The following DHRSX variants were observed in gnomAD, a reference collection of about 807,000 sequenced individuals.
The protein encoded by DHRSX is dehydrogenase/reductase X-linked.
In DHRSX, 31 loss-of-function variants were observed where a neutral mutation model predicts 34.0. That is an observed-to-expected ratio of 0.91 (90% CI 0.69 to 1.23). DHRSX has a LOEUF of 1.23. DHRSX is among the 50% of genes most tolerant of loss of function. DHRSX has a pLI of 0.00. For missense variants in DHRSX, 414 were observed against 428.1 expected (o/e 0.97, Z 0.29); for synonymous variants, 201 against 183.8 (o/e 1.09, Z -0.76).
chrX:2,440,492 G>A (rs1334844149), intron 1 of DHRSX, among the ~76,000 whole-genome samples: 3 of 151,168 alleles, frequency 2.0e-5, no homozygotes, highest in Middle Eastern at 3.6e-3. Flanking sequence ...AGAAGATGCC[G>A]CATCCAGCTC....
chrX:2,427,962 G>A (rs747006773), intron 1 of DHRSX, among the ~76,000 whole-genome samples: 4 of 152,104 alleles, frequency 2.6e-5, no homozygotes, highest in Admixed American at 2.0e-4. Context: ...GCAGCAACAC[G>A]AAGGGAACTG....
rs750183839 is a variant in DHRSX, at chrX:2,489,154, C to T, written c.109+11663G>A. On this transcript the variant is annotated intron_variant, in intron 1 of 6. Coordinates refer to ENST00000334651, the MANE Select transcript of DHRSX (RefSeq NM_145177.3). ...TCTTGACGGGAGGCTCCTCGGGCAC[C>T]GGGAAGATCTTGTCCTCAGCCGGCC... 1.1e-5 allele frequency: 17 copies of T among 1,613,604 alleles called. No homozygotes were observed. The East Asian group carries it at 2.0e-4, about 19-fold the overall frequency.
chrX:2,361,765 T>C (rs1471074903), intron 3 of DHRSX, among the ~76,000 whole-genome samples: 2 of 152,216 alleles, frequency 1.3e-5, no homozygotes, highest in East Asian at 1.9e-4. Flanking sequence ...AAAAAGAAGA[T>C]GTCTGGATAA....
chrX:2,362,388 C>T (rs978107056), intron 3 of DHRSX, among the ~76,000 whole-genome samples: 23 of 152,158 alleles, frequency 1.5e-4, no homozygotes, highest in African/African-American at 5.3e-4. Context: ...GCAACCTCCG[C>T]CTCCCGGGTT....
chrX:2,328,714 TAA>T (rs1157083908), intron 3 of DHRSX, among the ~76,000 whole-genome samples: 1 of 152,116 alleles, frequency 6.6e-6, no homozygotes, highest in Non-Finnish European at 1.5e-5. Context: ...TGTGGGAAAA[TAA>T]AAGTCTGCTG....
intron 3 of DHRSX, among the ~76,000 whole-genome samples, chrX:2,327,708 T>C (rs1416725750): frequency 6.6e-6 from 1 of 152,098 alleles, no homozygotes. Context: ...TATTTGGAGA[T>C]AGTCTTTAAA....
chrX:2,265,774 G>A (rs1357579290), intron 5 of DHRSX, among the ~76,000 whole-genome samples: 8 of 138,652 alleles, frequency 5.8e-5, no homozygotes, highest in African/African-American at 1.4e-4. Context: ...CAGACGCAGG[G>A]AGCACTGTCC....
At chrX:2,275,032 C>G (rs1324512023) in intron 4 of DHRSX, among the ~76,000 whole-genome samples, 2 of 151,910 alleles carry the variant, frequency 1.3e-5, no homozygotes, top group Non-Finnish European at 2.9e-5. Flanking sequence ...GACGGAAGTC[C>G]GAAATGCAGA....
intron 1 of DHRSX, among the ~76,000 whole-genome samples, chrX:2,427,864 C>G (rs1318318033): frequency 6.6e-6 from 1 of 152,110 alleles, no homozygotes; most frequent in Non-Finnish European, 1.5e-5. Context: ...TAAGTGTCCA[C>G]CATCAGACAA....
chrX:2,321,583 CCT>C (rs370557844), intron 3 of DHRSX, among the ~76,000 whole-genome samples: 2,047 of 152,018 alleles, frequency 0.013, 47 homozygotes, highest in African/African-American at 0.047. Flanking sequence ...GCTCCACCCC[CCT>C]CTCTCTCTGC....
intron 1 of DHRSX, among the ~76,000 whole-genome samples, chrX:2,475,896 G>A (rs1021187510): frequency 2.0e-5 from 3 of 152,182 alleles, no homozygotes; most frequent in African/African-American, 7.2e-5. Flanking sequence ...ATGGGGTGGT[G>A]TAACTGCAGT....
chrX:2,355,946 G>C (rs1244732219), intron 3 of DHRSX, among the ~76,000 whole-genome samples: 2 of 151,260 alleles, frequency 1.3e-5, no homozygotes, highest in African/African-American at 4.9e-5. Flanking sequence ...GGTATATGTA[G>C]TTCCAGCTAC....
chrX:2,304,212 G>A (rs1363081376), intron 3 of DHRSX, among the ~76,000 whole-genome samples: 37 of 131,100 alleles, frequency 2.8e-4, no homozygotes, highest in African/African-American at 9.8e-4. Flanking sequence ...TAAATGGATG[G>A]ATGGATGGAT....
chrX:2,363,970 G>A lies in DHRSX; in HGVS notation c.286+44775C>T, dbSNP rs776129908. ...CACAGGGACTGAGGTGAAAGGAGACGGCTGGGTGGGATGGAGGAGATAAGG... is the reference window on the plus strand; with the variant it reads ...CACAGGGACTGAGGTGAAAGGAGACAGCTGGGTGGGATGGAGGAGATAAGG... On this transcript the variant is annotated intron_variant, in intron 3 of 6. Transcript: ENST00000334651. 2.1e-4 allele frequency among the ~76,000 whole-genome samples: 28 copies of A among 134,922 alleles called. No individual in the cohort carries two copies. In the East Asian group the frequency reaches 3.6e-3, roughly 17 times the overall value. 88.5% of individuals were successfully genotyped at this position (134,922 alleles called of 152,430 possible).
chrX:2,490,866 G>A (rs1456291887), intron 1 of DHRSX: 18 of 1,167,048 alleles, frequency 1.5e-5, no homozygotes, highest in South Asian at 7.5e-5. Flanking sequence ...GGGCAGCTCC[G>A]CTTTCAACCA....
intron 1 of DHRSX, among the ~76,000 whole-genome samples, chrX:2,462,301 A>T (rs1444172714): frequency 6.6e-6 from 1 of 152,284 alleles, no homozygotes; most frequent in East Asian, 1.9e-4. Flanking sequence ...TTTACTTGTC[A>T]AAAACAGTGT....
chrX:2,490,800 T>C, intron 1 of DHRSX: 1 of 1,541,912 alleles, frequency 6.5e-7, no homozygotes, highest in Non-Finnish European at 8.7e-7. Flanking sequence ...AAACACAGCA[T>C]GAGAAGGGAC....
At chrX:2,449,920 A>G (rs1221253079) in intron 1 of DHRSX, among the ~76,000 whole-genome samples, 1 of 152,168 alleles carries the variant, frequency 6.6e-6, no homozygotes, top group Admixed American at 6.6e-5. Context: ...GGCGTGAGCC[A>G]CCACGCCTGG....
intron 3 of DHRSX, among the ~76,000 whole-genome samples, chrX:2,320,321 A>C (rs1440319350): frequency 1.2e-5 from 1 of 80,408 alleles, no homozygotes; most frequent in East Asian, 4.0e-4. Flanking sequence ...TTGAGATGGG[A>C]TCTTGCTCTG....
Sources: gnomAD v4.1 joint callset for allele counts (sites outside exome capture counted in the v4.1 genomes callset) on GRCh38, gnomAD v4.1.1 for gene constraint, MANE v1.5 for transcripts, NCBI Gene and HGNC (gene_info 2026-07-23, HGNC 2026-07-21) for gene names.